Variants in C1orf174 observed in about 807,000 individuals in gnomAD.
C1orf174 encodes UPF0688 protein C1orf174.
In C1orf174, 13 loss-of-function variants were observed where a neutral mutation model predicts 18.4. The observed-to-expected ratio is 0.71, with a 90% CI of 0.46 to 1.12. The LOEUF (loss-of-function observed/expected upper bound fraction) is 1.12. C1orf174 is among the 50% of genes most tolerant of loss of function. The pLI is 0.00. For missense variants in C1orf174, 309 were observed against 308.0 expected (o/e 1.00, Z -0.02); for synonymous variants, 100 against 118.3 (o/e 0.85, Z 1.01).
At chr1:3,895,559 C>G (rs1323360378) in intron 1 of C1orf174, 1 of 110,816 alleles carries the variant, frequency 9.0e-6, no homozygotes, top group East Asian at 3.7e-4. Context: ...ATCTGGTGGG[C>G]CTGGAAGCGC....
chr1:3,893,637 GT>G (rs1426417119), intron 1 of C1orf174, among the ~76,000 whole-genome samples: 1 of 152,238 alleles, frequency 6.6e-6, no homozygotes, highest in African/African-American at 2.4e-5. Context: ...GCTCACACCT[GT>G]AATCCCAGCT....
At chr1:3,895,623 G>A (rs1638592794) in intron 1 of C1orf174, 1 of 152,224 alleles carries the variant, frequency 6.6e-6, no homozygotes, top group Non-Finnish European at 1.5e-5. Context: ...CGGATTGACA[G>A]GAGTCAAAAC....
Position 3,889,828 on chromosome 1 carries a change from C to G in C1orf174, c.*132G>C. 1.2e-6 allele frequency: 1 copy of G among 827,358 alleles called. No homozygotes were observed. Among genetic ancestry groups the G allele is most frequent in the Non-Finnish European group, 2.0e-6 (1 of 494,504 alleles). 51.3% of individuals were successfully genotyped at this position (827,358 alleles called of 1,614,324 possible). The stretch of plus-strand genomic sequence containing the variant: ...GGTATTGGGTGCTTTGCACTATTGA[C>G]TTAGATGGGTCAGTTCTGAAGTTTG... On this transcript the variant is annotated 3_prime_UTR_variant, in exon 4 of 4. Transcript: ENST00000361605.
chr1:3,892,976 A>G lies in C1orf174; in HGVS notation c.36T>C (p.Ser12=), dbSNP rs148212384. The G allele has an allele frequency of 2.1e-5, 34 of 1,613,968 alleles. No homozygotes were observed. Among genetic ancestry groups the G allele is most frequent in the Non-Finnish European group, 2.8e-5 (33 of 1,179,880 alleles). ...RSRKLTGAVR[S]SARLKARSCS... ...AACTTCGTGCTTTCAAGCGCGCTGAAGACCGCACTGCACCTGTGAGCTAGA... is the reference window on the plus strand; with the variant it reads ...AACTTCGTGCTTTCAAGCGCGCTGAGGACCGCACTGCACCTGTGAGCTAGA... The change falls in exon 2 of 4, where the codon TCT becomes TCC. Residue 12 remains serine (S), a synonymous_variant. Transcript: ENST00000361605.
Position 3,891,584 on chromosome 1 carries a change from T to C in C1orf174, c.130-527A>G, listed in dbSNP as rs558389197. The C allele has an allele frequency of 1.5e-4, 148 of 988,038 alleles. 1 individual carries two copies. In the African/African-American group the frequency reaches 2.4e-3, roughly 16 times the overall value. 61.2% of individuals were successfully genotyped at this position (988,038 alleles called of 1,614,324 possible). On this transcript the variant is annotated intron_variant, in intron 2 of 3. Transcript: ENST00000361605. Reference sequence around the variant, plus strand: ...TACACGCTGGCATATGGCCAAGTCCTAACCCCTCAACTGTAGGCTCCGTGA... The same window carrying C: ...TACACGCTGGCATATGGCCAAGTCCCAACCCCTCAACTGTAGGCTCCGTGA...
intron 1 of C1orf174, among the ~76,000 whole-genome samples, chr1:3,897,519 G>A (rs1638627196): frequency 6.6e-6 from 1 of 152,142 alleles, no homozygotes. Context: ...GCAAGCTGCA[G>A]AGAAATGCTG....
rs1205591757 is a variant in C1orf174, at chr1:3,892,949, A to G, written c.63T>C (p.Cys21=). ...GGGCAGAGGCCAACCTGGCTGCCGA[A>G]CAACTTCGTGCTTTCAAGCGCGCTG... ...RSSARLKARS[C]SAARLASAQE... Residue 21 remains cysteine (C), a synonymous_variant, in exon 2 of 4, where the codon TGT becomes TGC. Coordinates refer to ENST00000361605, the MANE Select transcript of C1orf174 (RefSeq NM_207356.3). 6.2e-7 allele frequency: 1 copy of G among 1,614,094 alleles called. No individual in the cohort carries two copies. Among genetic ancestry groups the G allele is most frequent in the African/African-American group, 1.3e-5 (1 of 74,940 alleles).
At chr1:3,895,449 G>T (rs1396414166) in intron 1 of C1orf174, 1 of 152,256 alleles carries the variant, frequency 6.6e-6, no homozygotes, top group Non-Finnish European at 1.5e-5. Flanking sequence ...AACTTTTCGC[G>T]TGCAACAGGT....
At position 3,892,958 on chromosome 1, in the gene C1orf174, TGCTTTCAAGC is replaced by T. The variant is rs774333067; in HGVS notation, c.44_53del (p.Arg15HisfsTer26). On this transcript the variant is annotated frameshift_variant, in exon 2 of 4. Transcript: ENST00000361605. LOFTEE classifies it high-confidence loss of function. ...CCAACCTGGCTGCCGAACAACTTCG[TGCTTTCAAGC>T]GCGCTGAAGACCGCACTGCACCTGT... 6.2e-7 allele frequency: 1 copy of T among 1,614,164 alleles called. No homozygotes were observed. Among genetic ancestry groups the T allele is most frequent in the South Asian group, 1.1e-5 (1 of 91,078 alleles).
At position 3,900,178 on chromosome 1, in the gene C1orf174, G is replaced by T; in HGVS notation, c.9C>A (p.Ser3Arg). ...GCCGGGACCCAGCCCTCACCTTCCG[G>T]CTCCTCATGAGTGTGAGCACCGCAG... MRSRKLTGAVRSS... is the reference protein window; with the variant it reads MRRRKLTGAVRSS... Residue 3 changes from serine (S) to arginine (R), a missense_variant, in exon 1 of 4, where the codon AGC (serine) becomes AGA (arginine). Ser to Arg is a moderately radical substitution (Grantham distance 110, BLOSUM62 -1). Transcript: ENST00000361605. 5 of 1,586,816 alleles carry T rather than the reference G, an allele frequency of 3.2e-6. No individual in the cohort carries two copies. The highest frequency in any genetic ancestry group is 4.3e-6 in the Non-Finnish European group (5 of 1,174,970).
chr1:3,898,628 C>CCA (rs1418312141), intron 1 of C1orf174, among the ~76,000 whole-genome samples: 1 of 152,104 alleles, frequency 6.6e-6, no homozygotes, highest in Non-Finnish European at 1.5e-5. Context: ...TAATTCAAAA[C>CCA]CACACACACA....
intron 1 of C1orf174, among the ~76,000 whole-genome samples, chr1:3,894,330 G>A (rs1162659896): frequency 2.6e-5 from 4 of 152,086 alleles, no homozygotes; most frequent in Non-Finnish European, 5.9e-5. Context: ...TGTCTCGGCT[G>A]GGCGCGGTGG....
chr1:3,897,025 A>G (rs1450985070), intron 1 of C1orf174, among the ~76,000 whole-genome samples: 1 of 152,246 alleles, frequency 6.6e-6, no homozygotes, highest in Non-Finnish European at 1.5e-5. Context: ...ACAAATAAGC[A>G]TATTAACAAT....
intron 2 of C1orf174, chr1:3,891,914 C>T: frequency 1.9e-6 from 1 of 537,254 alleles, no homozygotes; most frequent in South Asian, 8.5e-5. Flanking sequence ...GGGCCCGGGT[C>T]TAGACACACA....
At chr1:3,891,113 C>T (rs1638503446) in intron 2 of C1orf174, 56 bp from the exon 3 acceptor site, 24 of 1,535,314 alleles carry the variant, frequency 1.6e-5, no homozygotes, top group Non-Finnish European at 1.9e-5. Flanking sequence ...TAAAACAGGC[C>T]TCAATCCAGA....
intron 1 of C1orf174, among the ~76,000 whole-genome samples, chr1:3,898,516 A>AAAAAAC (rs1638647074): frequency 1.4e-5 from 2 of 139,228 alleles, no homozygotes. Flanking sequence ...CTCAAAGCAA[A>AAAAAAC]AACAACAACA....
chr1:3,896,734 T>C lies in C1orf174; in HGVS notation c.15+3438A>G, dbSNP rs142354807. Among the ~76,000 whole-genome samples the C allele has an allele frequency of 2.6e-3, 390 of 152,318 alleles. 3 individuals carry two copies. The highest frequency in any genetic ancestry group is 8.4e-3 in the African/African-American group (348 of 41,586). ...GAGGCCTCTTGGACACAGAACAAAC[T>C]AACCAAACACTGACCTTAGAAAGTA... On this transcript the variant is annotated intron_variant, in intron 1 of 3. Coordinates refer to ENST00000361605, the MANE Select transcript of C1orf174 (RefSeq NM_207356.3).
At chr1:3,899,317 T>A (rs1383821139) in intron 1 of C1orf174, among the ~76,000 whole-genome samples, 1 of 152,110 alleles carries the variant, frequency 6.6e-6, no homozygotes, top group East Asian at 1.9e-4. Context: ...GGTTCAAAGA[T>A]AAAAATAGTA....
intron 1 of C1orf174, among the ~76,000 whole-genome samples, chr1:3,895,119 C>T (rs1009027091): frequency 3.8e-4 from 58 of 152,260 alleles, no homozygotes; most frequent in African/African-American, 1.3e-3. Flanking sequence ...AGCCCTCCTC[C>T]GGGCGCTTTG....
Sources: gnomAD v4.1 joint callset for allele counts (sites outside exome capture counted in the v4.1 genomes callset) on GRCh38, gnomAD v4.1.1 for gene constraint, MANE v1.5 for transcripts, NCBI Gene and HGNC (gene_info 2026-07-23, HGNC 2026-07-21) for gene names.